The following UNC5A variants were observed in gnomAD, a reference collection of about 807,000 sequenced individuals.
UNC5A encodes netrin receptor UNC5A.
In UNC5A, 20 loss-of-function variants were observed where a neutral mutation model predicts 87.4. The ratio of observed to expected loss-of-function variants is 0.23; its 90% CI spans 0.16 to 0.33. UNC5A has a LOEUF of 0.33. UNC5A is among the 10% of genes least tolerant of loss of function. UNC5A has a pLI of 1.00. For missense variants in UNC5A, 844 were observed against 1,133.4 expected (o/e 0.74, Z 3.67); for synonymous variants, 438 against 482.3 (o/e 0.91, Z 1.20).
chr5:176,848,644 C>T lies in UNC5A; in HGVS notation c.71-13980C>T, dbSNP rs558523057. 1.1e-4 allele frequency among the ~76,000 whole-genome samples: 16 copies of T among 152,080 alleles called. No homozygotes were observed. Among genetic ancestry groups the T allele is most frequent in the African/African-American group, 1.9e-4 (8 of 41,392 alleles). On this transcript the variant is annotated intron_variant, in intron 1 of 14. Transcript: ENST00000329542. The surrounding 1 kb of genome is among the most constrained non-coding windows in gnomAD (Gnocchi z 5.8). ...TGGCAGCAGGGCCCAGGCTCCTTCC[C>T]GCCCAAATTTGGAATAGGAAGGCTG...
chr5:176,848,756 G>A lies in UNC5A; in HGVS notation c.71-13868G>A, dbSNP rs1757473578. 6.6e-6 allele frequency among the ~76,000 whole-genome samples: 1 copy of A among 152,216 alleles called. No homozygotes were observed. Among genetic ancestry groups the A allele is most frequent in the Admixed American group, 6.5e-5 (1 of 15,288 alleles). On this transcript the variant is annotated intron_variant, in intron 1 of 14. Coordinates refer to ENST00000329542, the MANE Select transcript of UNC5A (RefSeq NM_133369.3). The surrounding 1 kb of genome is among the most constrained non-coding windows in gnomAD (Gnocchi z 5.8). ...GGAGGCTTCAGCTGCCTCACCCAGG[G>A]GCAGGAGCTGAGGCTCAGACCACGG...
chr5:176,817,744 G>A (rs1756628933), intron 1 of UNC5A, among the ~76,000 whole-genome samples: 2 of 152,036 alleles, frequency 1.3e-5, no homozygotes, highest in South Asian at 4.1e-4. Context: ...TGGAGCGCGG[G>A]TGCCCGAGCC....
chr5:176,862,731 C>A lies in UNC5A; in HGVS notation c.178C>A (p.Pro60Thr), dbSNP rs754407172. ...GGATGTGTACATCGTCAAGAACAAG[C>A]CAGTGCTGCTTGTGTGCAAGGCCGT... ...PEDVYIVKNK[P>T]VLLVCKAVPA... Residue 60 changes from proline (P) to threonine (T), a missense_variant, in exon 2 of 15, where the codon CCA becomes ACA. Transcript: ENST00000329542. The A allele has an allele frequency of 1.2e-6, 2 of 1,613,526 alleles. No individual in the cohort carries two copies. Among genetic ancestry groups the A allele is most frequent in the African/African-American group, 2.7e-5 (2 of 74,936 alleles).
intron 1 of UNC5A, among the ~76,000 whole-genome samples, chr5:176,829,944 G>A (rs560562191): frequency 6.0e-5 from 8 of 132,706 alleles, no homozygotes; most frequent in Admixed American, 9.5e-5. Flanking sequence ...GCGTGATCTC[G>A]GCTCACTGCA....
Position 176,880,004 on chromosome 5 carries a change from C to G in UNC5A, c.*118C>G. The G allele has an allele frequency of 7.5e-7, 1 of 1,338,238 alleles. No homozygotes were observed. The highest frequency in any genetic ancestry group is 1.0e-6 in the Non-Finnish European group (1 of 1,004,190). The allele number at this position is 1,338,238 out of a possible 1,614,324, so 82.9% of individuals were successfully genotyped here. A position where few individuals can be genotyped will look rare whatever the true frequency, so the allele number is the denominator to read the frequency against. On this transcript the variant is annotated 3_prime_UTR_variant, in exon 15 of 15. Coordinates refer to ENST00000329542, the MANE Select transcript of UNC5A (RefSeq NM_133369.3). ...AGAGCTGCTCGGACAGGCCCCCTCC[C>G]GGCCGAAGCTGTCCCTTAATGCTGG...
At chr5:176,871,941 C>A (rs1581276343) in intron 6 of UNC5A, among the ~76,000 whole-genome samples, 1 of 16,402 alleles carries the variant, frequency 6.1e-5, no homozygotes, top group African/African-American at 1.8e-4. Flanking sequence ...CCACACTCGC[C>A]CCAACACCAC....
intron 3 of UNC5A, 25 bp downstream of exon 3, chr5:176,868,298 G>T: frequency 6.2e-7 from 1 of 1,611,660 alleles, no homozygotes. Context: ...GGGCCCTGGG[G>T]GAGGGCGCAC....
chr5:176,830,664 T>G (rs1581248932), intron 1 of UNC5A, among the ~76,000 whole-genome samples: 1 of 93,076 alleles, frequency 1.1e-5, no homozygotes, highest in Non-Finnish European at 2.1e-5. Flanking sequence ...GTGTGTGTGC[T>G]GGTGTGTGTG....
Position 176,874,337 on chromosome 5 carries a change from C to T in UNC5A, c.1149C>T (p.Pro383=). 1.2e-6 allele frequency: 2 copies of T among 1,613,354 alleles called. No individual in the cohort carries two copies. Among genetic ancestry groups the T allele is most frequent in the Non-Finnish European group, 1.7e-6 (2 of 1,179,692 alleles). The change falls in exon 8 of 15, where the codon CCC becomes CCT. Residue 383 remains proline (P), a synonymous_variant. Coordinates refer to ENST00000329542, the MANE Select transcript of UNC5A (RefSeq NM_133369.3). The surrounding 1 kb of genome is among the most constrained non-coding windows in gnomAD (Gnocchi z 7.6). The part of the protein sequence containing the change: ...TTTTYQGSLC[P]RQDGPSPKFQ... ...CCACCTACCAGGGCAGTCTCTGTCC[C>T]CGGCAGGATGGGCCCAGCCCCAAGT...
At chr5:176,827,180 T>C (rs1756875468) in intron 1 of UNC5A, among the ~76,000 whole-genome samples, 2 of 5,196 alleles carry the variant, frequency 3.8e-4, no homozygotes, top group African/African-American at 5.6e-4. Flanking sequence ...GCTTCATTCC[T>C]TTTTTTTTTT....
intron 1 of UNC5A, among the ~76,000 whole-genome samples, chr5:176,826,702 A>G (rs1026128237): frequency 3.3e-4 from 46 of 138,694 alleles, no homozygotes; most frequent in Admixed American, 3.0e-3. Context: ...GTGCAGTGGC[A>G]CGATCTCGGC....
intron 1 of UNC5A, among the ~76,000 whole-genome samples, chr5:176,853,703 C>T (rs535884949): frequency 2.6e-5 from 4 of 152,246 alleles, no homozygotes; most frequent in African/African-American, 9.6e-5. Flanking sequence ...ACATCCGGCA[C>T]GCTCCTAGAC....
chr5:176,868,183 G>A lies in UNC5A; in HGVS notation c.346G>A (p.Val116Met). 1 of 1,613,744 alleles carries A rather than the reference G, an allele frequency of 6.2e-7. No homozygotes were observed. The change falls in exon 3 of 15, where the codon GTG (valine) becomes ATG (methionine). Residue 116 changes from valine to methionine, a missense_variant. Coordinates refer to ENST00000329542, the MANE Select transcript of UNC5A (RefSeq NM_133369.3). ...INVSRQQVEKVFGLEEYWCQC... is the reference protein window; with the variant it reads ...INVSRQQVEKMFGLEEYWCQC... ...TGTCTCAAGGCAGCAGGTCGAGAAG[G>A]TGTTCGGGCTGGAGGAATACTGGTG...
At chr5:176,860,709 G>A (rs1757815071) in intron 1 of UNC5A, among the ~76,000 whole-genome samples, 1 of 152,222 alleles carries the variant, frequency 6.6e-6, no homozygotes, top group African/African-American at 2.4e-5. Context: ...CCCCAGCAGA[G>A]GTGGTTCAGG....
intron 1 of UNC5A, among the ~76,000 whole-genome samples, chr5:176,859,133 GCCC>G (rs1561659386): frequency 8.4e-6 from 1 of 119,256 alleles, no homozygotes; most frequent in African/African-American, 3.5e-5. Context: ...CTGCTAGAAT[GCCC>G]TTGCTAGAGG....
Position 176,877,723 on chromosome 5 carries a change from G to A in UNC5A, c.1635+20G>A, listed in dbSNP as rs779375748. Reference sequence around the variant, plus strand: ...TGGGAGGTGAGCAGGGAACTGACCCGGGCTCCAGAAGGGAACGTGGGCTAA... The same window carrying A: ...TGGGAGGTGAGCAGGGAACTGACCCAGGCTCCAGAAGGGAACGTGGGCTAA... On this transcript the variant is annotated intron_variant, in intron 10 of 14. Transcript: ENST00000329542. The A allele has an allele frequency of 3.2e-5, 51 of 1,575,760 alleles. No individual in the cohort carries two copies. The highest frequency in any genetic ancestry group is 5.4e-5 in the African/African-American group (4 of 74,136).
intron 1 of UNC5A, among the ~76,000 whole-genome samples, chr5:176,861,444 G>A (rs1245930602): frequency 6.6e-6 from 1 of 152,202 alleles, no homozygotes; most frequent in Non-Finnish European, 1.5e-5. Context: ...CTCCTGCCGT[G>A]AAACCAGGGT....
chr5:176,872,703 C>A (rs1221127516), intron 6 of UNC5A, among the ~76,000 whole-genome samples: 11 of 122,116 alleles, frequency 9.0e-5, no homozygotes, highest in East Asian at 2.7e-4. Flanking sequence ...CCACAGCTTC[C>A]CATCTGCCCA....
chr5:176,880,364 C>T lies in UNC5A; in HGVS notation c.*478C>T, dbSNP rs973193920. 2.6e-5 allele frequency: 4 copies of T among 154,646 alleles called. No individual in the cohort carries two copies. The highest frequency in any genetic ancestry group is 5.7e-5 in the Non-Finnish European group (4 of 69,648). 9.6% of individuals were successfully genotyped at this position (154,646 alleles called of 1,614,324 possible). ...TCCAAGCCTGCAGGACCGAGGGCCA[C>T]AGCCGGACAGGGGGTAGCCCCTGGA... On this transcript the variant is annotated 3_prime_UTR_variant, in exon 15 of 15. Transcript: ENST00000329542.
Sources: allele counts gnomAD v4.1 joint callset (sites outside exome capture counted in the v4.1 genomes callset), GRCh38; gene constraint gnomAD v4.1.1; non-coding constraint Gnocchi (gnomAD v3.1); transcripts MANE v1.5; gene names NCBI Gene and HGNC (gene_info 2026-07-23, HGNC 2026-07-21).